The following VPS8 variants were observed in gnomAD, a reference collection of about 807,000 sequenced individuals.
VPS8 encodes the protein VPS8 subunit of CORVET complex.
VPS8 carries 129 observed loss-of-function variants against 216.4 expected under a neutral mutation model. The ratio of observed to expected loss-of-function variants is 0.60; its 90% CI spans 0.52 to 0.69. VPS8 has a LOEUF of 0.69. Among genes scored for constraint, VPS8 ranks in the 30% least tolerant of loss-of-function variants. VPS8 has a pLI of 0.00. For synonymous variants in VPS8, 571 were observed against 565.4 expected (o/e 1.01, Z -0.14); for missense variants, 1,531 against 1,683.5 (o/e 0.91, Z 1.59).
chr3:184,915,135 C>T, intron 27 of VPS8, 82 bp downstream of exon 27: 1 of 1,487,318 alleles, frequency 6.7e-7, no homozygotes, highest in South Asian at 1.1e-5. Flanking sequence ...TTGAGGCTTA[C>T]ACGTGGGTCA....
At chr3:185,008,578 G>A (rs1427425690) in intron 45 of VPS8, among the ~76,000 whole-genome samples, 4 of 151,848 alleles carry the variant, frequency 2.6e-5, no homozygotes, top group Non-Finnish European at 5.9e-5. Flanking sequence ...CGTACGTTAG[G>A]TGGTTAGGGA....
chr3:184,984,529 G>T (rs1460406768), intron 42 of VPS8, among the ~76,000 whole-genome samples: 1 of 151,932 alleles, frequency 6.6e-6, no homozygotes, highest in Non-Finnish European at 1.5e-5. Flanking sequence ...CTGACCTCAG[G>T]TGATCCGCCC....
intron 42 of VPS8, among the ~76,000 whole-genome samples, chr3:184,983,361 C>T (rs149389536): frequency 2.0e-5 from 3 of 152,232 alleles, no homozygotes; most frequent in Non-Finnish European, 4.4e-5. Context: ...CCTTGGGATT[C>T]AGATATACAA....
At chr3:185,009,541 A>C (rs963718848) in intron 45 of VPS8, among the ~76,000 whole-genome samples, 2 of 152,124 alleles carry the variant, frequency 1.3e-5, no homozygotes, top group African/African-American at 4.8e-5. Flanking sequence ...CAGAATTCAG[A>C]ATTTTTTGGA....
chr3:184,905,534 A>C (rs928759343), intron 25 of VPS8, among the ~76,000 whole-genome samples: 6 of 150,802 alleles, frequency 4.0e-5, no homozygotes, highest in African/African-American at 1.5e-4. Flanking sequence ...TCATAGAATC[A>C]ATTTTGATTT....
intron 42 of VPS8, among the ~76,000 whole-genome samples, chr3:184,992,241 TCA>T (rs1751997252): frequency 6.6e-6 from 1 of 152,184 alleles, no homozygotes; most frequent in Non-Finnish European, 1.5e-5. Context: ...CCTTCTGAAC[TCA>T]CAGTAACTCT....
rs760611057 is a variant in VPS8 at position 184,824,696 on chromosome 3, G to A, written c.64G>A (p.Glu22Lys). ...QSLCAKTSEE[E>K]LNKSFNLEAS... ...CCTCTGTGCCAAGACGAGCGAAGAA[G>A]AGCTGAATAAGTCTTTCAATCTAGA... Residue 22 changes from glutamate (E) to lysine (K), a missense_variant, in exon 2 of 48, where the codon GAG becomes AAG. By Grantham distance (56) the Glu-to-Lys change is moderately conservative. Around this residue, in one of 3 missense-constraint regions of VPS8, gnomAD observed 199 missense variants for 182.2 expected, o/e 1.09. Transcript: ENST00000625842. The A allele has an allele frequency of 6.2e-7, 1 of 1,613,966 alleles. No homozygotes were observed. Among genetic ancestry groups the A allele is most frequent in the Non-Finnish European group, 8.5e-7 (1 of 1,179,880 alleles).
intron 45 of VPS8, among the ~76,000 whole-genome samples, chr3:185,007,385 T>C (rs1420586104): frequency 6.6e-6 from 1 of 152,260 alleles, no homozygotes; most frequent in Non-Finnish European, 1.5e-5. Context: ...CCTTTGATTA[T>C]TCCTATATTA....
intron 10 of VPS8, among the ~76,000 whole-genome samples, chr3:184,852,254 C>A (rs976004550): frequency 3.9e-5 from 6 of 152,000 alleles, no homozygotes; most frequent in Non-Finnish European, 8.8e-5. Context: ...TTGTATTTTT[C>A]TTTTATCGTG....
chr3:184,851,465 A>ATGTGTG lies in VPS8; in HGVS notation c.754-1022_754-1017dup, dbSNP rs10657242. ...GGAATTTCATTCTTTATGGATATTTATGTGTGTGTGTGTGTGTGCGTTTAT... is the reference window on the plus strand; with the variant it reads ...GGAATTTCATTCTTTATGGATATTTATGTGTGTGTGTGTGTGTGTGTGTGCGTTTAT... On this transcript the variant is annotated intron_variant, in intron 10 of 47. Transcript: ENST00000625842. Among the ~76,000 whole-genome samples the ATGTGTG allele has an allele frequency of 1.3e-3, 196 of 151,030 alleles. 3 individuals carry two copies. In the South Asian group the frequency reaches 0.023, roughly 18 times the overall value.
At position 184,964,500 on chromosome 3, in the gene VPS8, C is replaced by A; in HGVS notation, c.3216C>A (p.Thr1072=). Residue 1072 remains threonine (T), a synonymous_variant, in exon 38 of 48, where the codon ACC becomes ACA. Coordinates refer to ENST00000625842, the MANE Select transcript of VPS8 (RefSeq NM_001009921.3). ...ITQKYQLHEV[T]AYLLEKKGDI... ...AGAAGTATCAACTTCATGAAGTCAC[C>A]GCTTATCTATTGGAAAAGAAAGGAG... 6.6e-7 allele frequency: 1 copy of A among 1,518,274 alleles called. No individual in the cohort carries two copies. Among genetic ancestry groups the A allele is most frequent in the Non-Finnish European group, 8.9e-7 (1 of 1,127,838 alleles). The allele number at this position is 1,518,274 out of a possible 1,614,324, so 94.1% of individuals were successfully genotyped here.
intron 40 of VPS8, among the ~76,000 whole-genome samples, chr3:184,976,914 A>C (rs1318522470): frequency 6.6e-6 from 1 of 152,176 alleles, no homozygotes; most frequent in African/African-American, 2.4e-5. Flanking sequence ...ATAGTGCTGC[A>C]GTCAACATAT....
intron 21 of VPS8, among the ~76,000 whole-genome samples, chr3:184,872,763 A>G (rs1048878640): frequency 6.6e-6 from 1 of 152,122 alleles, no homozygotes; most frequent in Non-Finnish European, 1.5e-5. Flanking sequence ...TGAGTCCTCT[A>G]TTTCAGAAAG....
chr3:184,915,610 A>C (rs1737414818), intron 28 of VPS8, 136 bp downstream of exon 28: 1 of 898,360 alleles, frequency 1.1e-6, no homozygotes, highest in Non-Finnish European at 1.6e-6. Flanking sequence ...GGAGTTCCAG[A>C]CCAGCCTGGT....
chr3:184,895,556 A>C (rs532945840), intron 23 of VPS8, among the ~76,000 whole-genome samples: 3 of 127,418 alleles, frequency 2.4e-5, no homozygotes, highest in Non-Finnish European at 4.8e-5. Flanking sequence ...TTCTGGCCTA[A>C]GACATTTCAC....
chr3:184,967,695 G>A (rs149353975), intron 39 of VPS8, among the ~76,000 whole-genome samples: 1,564 of 152,036 alleles, frequency 0.01, 31 homozygotes, highest in African/African-American at 0.036. Context: ...AAATTAGTCG[G>A]GTGTGGTGGC....
At position 184,853,974 on chromosome 3, in the gene VPS8, A is replaced by G. The variant is rs1333515976; in HGVS notation, c.939A>G (p.Thr313=). The G allele has an allele frequency of 5.0e-6, 8 of 1,613,742 alleles. No individual in the cohort carries two copies. The highest frequency in any genetic ancestry group is 1.1e-5 in the South Asian group (1 of 91,046). The change falls in exon 12 of 48, where the codon ACA becomes ACG. Residue 313 remains threonine (T), a synonymous_variant. Transcript: ENST00000625842. The part of the protein sequence containing the change: ...SKPELKDHPI[T]QFSLLAMASL... Reference sequence around the variant, plus strand: ...CTGAGTTGAAAGATCATCCCATCACACAGTTTTCATTATTGGCCATGGCAT... The same window carrying G: ...CTGAGTTGAAAGATCATCCCATCACGCAGTTTTCATTATTGGCCATGGCAT...
chr3:184,876,855 T>G (rs973121334), intron 21 of VPS8, among the ~76,000 whole-genome samples: 1 of 152,244 alleles, frequency 6.6e-6, no homozygotes, highest in Admixed American at 6.5e-5. Context: ...ACATTCTTAC[T>G]GTACTTCATT....
intron 8 of VPS8, among the ~76,000 whole-genome samples, chr3:184,848,098 G>C (rs1222130831): frequency 1.3e-5 from 2 of 152,100 alleles, no homozygotes; most frequent in African/African-American, 4.8e-5. Context: ...TATTAGTGGA[G>C]ATGGAGTTTC....
Sources: gnomAD v4.1 joint callset for allele counts (sites outside exome capture counted in the v4.1 genomes callset) on GRCh38, gnomAD v4.1.1 for gene constraint, gnomAD v4.1.1 regional missense constraint, MANE v1.5 for transcripts, NCBI Gene and HGNC (gene_info 2026-07-23, HGNC 2026-07-21) for gene names.